Variants in WDR89 observed in about 807,000 individuals in gnomAD.
WDR89 encodes WD repeat-containing protein 89.
Under a neutral mutation model 29.1 loss-of-function variants are expected in WDR89, and 17 were observed. The observed-to-expected ratio is 0.58, with a 90% CI of 0.40 to 0.88. WDR89 has a LOEUF of 0.88. Among genes scored for constraint, WDR89 ranks in the 40% least tolerant of loss-of-function variants. The pLI is 0.00. For missense variants in WDR89, 396 were observed against 456.3 expected, an observed-to-expected ratio of 0.87 and a Z score of 1.20; for synonymous variants, 138 against 157.8, an observed-to-expected ratio of 0.87 and a Z score of 0.94.
chr14:63,617,239 T>G (rs1336845331), intron 2 of WDR89, among the ~76,000 whole-genome samples: 1 of 151,874 alleles, frequency 6.6e-6, no homozygotes, highest in Non-Finnish European at 1.5e-5. Flanking sequence ...CCACCATGTC[T>G]GGCTATATAT....
In WDR89 at chr14:63,608,666, G is replaced by GCACACACACA. The variant is rs57605983; in HGVS notation, c.-31-8703_-31-8694dup. On this transcript the variant is annotated intron_variant, in intron 2 of 2. Coordinates refer to ENST00000620954, the MANE Select transcript of WDR89 (RefSeq NM_080666.4). Reference sequence around the variant, plus strand: ...ACAAAAACCAGCCAGTGTGGTGCATGCACACACACACACACACACACACAC... The same window carrying GCACACACACA: ...ACAAAAACCAGCCAGTGTGGTGCATGCACACACACACACACACACACACACACACACACAC... Among the ~76,000 whole-genome samples the GCACACACACA allele has an allele frequency of 4.7e-3, 681 of 144,740 alleles. 2 individuals carry two copies. The highest frequency in any genetic ancestry group is 7.0e-3 in the African/African-American group (279 of 39,820). The allele number at this position is 144,740 out of a possible 152,430, so 95.0% of individuals were successfully genotyped here.
chr14:63,640,242 G>T (rs941236012), intron 1 of WDR89, among the ~76,000 whole-genome samples: 1 of 152,198 alleles, frequency 6.6e-6, no homozygotes, highest in Non-Finnish European at 1.5e-5. Context: ...CCACAAGAAA[G>T]AATTTGAAAA....
chr14:63,641,097 C>CAAAAA (rs57478091), intron 1 of WDR89, among the ~76,000 whole-genome samples: 16 of 64,138 alleles, frequency 2.5e-4, no homozygotes, highest in African/African-American at 6.3e-4. Flanking sequence ...GACTCCATCT[C>CAAAAA]AAAAAAAAAA....
intron 2 of WDR89, chr14:63,601,700 G>A: frequency 6.3e-7 from 1 of 1,596,518 alleles, no homozygotes; most frequent in Non-Finnish European, 8.6e-7. Context: ...CAGTTCGTGT[G>A]AAAGTTGGAG....
At chr14:63,631,941 G>A (rs113045019) in intron 1 of WDR89, among the ~76,000 whole-genome samples, 2,088 of 151,888 alleles carry the variant, frequency 0.014, 54 homozygotes, top group African/African-American at 0.047. Flanking sequence ...GCGAAAACCC[G>A]TCTCTACTAA....
chr14:63,627,086 A>G (rs1274737075), intron 1 of WDR89, among the ~76,000 whole-genome samples: 1 of 150,224 alleles, frequency 6.7e-6, no homozygotes, highest in Non-Finnish European at 1.5e-5. Context: ...GTGTCAACGC[A>G]CTCTAGCTTA....
chr14:63,609,210 A>G (rs1357487480), intron 2 of WDR89, among the ~76,000 whole-genome samples: 11 of 152,208 alleles, frequency 7.2e-5, no homozygotes, highest in Non-Finnish European at 7.3e-5. Flanking sequence ...TGCTTGGCAT[A>G]AAGAAAATAT....
chr14:63,605,459 C>A (rs1895278705), intron 2 of WDR89, among the ~76,000 whole-genome samples: 1 of 151,786 alleles, frequency 6.6e-6, no homozygotes, highest in Non-Finnish European at 1.5e-5. Context: ...AAGTCCAATA[C>A]TATACTTTTT....
At chr14:63,621,877 A>G (rs1040653982) in intron 2 of WDR89, 19 of 152,174 alleles carry the variant, frequency 1.2e-4, no homozygotes, top group African/African-American at 4.6e-4. Flanking sequence ...CTTCAAAAAG[A>G]CAAACAAGAA....
At chr14:63,635,590 C>T (rs1883682220) in intron 1 of WDR89, among the ~76,000 whole-genome samples, 1 of 152,138 alleles carries the variant, frequency 6.6e-6, no homozygotes, top group Admixed American at 6.5e-5. Flanking sequence ...CCCACTCTCA[C>T]CACTCCTCCT....
At chr14:63,610,894 G>T (rs1881940677) in intron 2 of WDR89, among the ~76,000 whole-genome samples, 1 of 151,694 alleles carries the variant, frequency 6.6e-6, no homozygotes, top group South Asian at 2.1e-4. Context: ...TACAGATGGG[G>T]TTTCACCATG....
intron 2 of WDR89, among the ~76,000 whole-genome samples, chr14:63,612,780 TAAG>T (rs1882072244): frequency 6.6e-6 from 1 of 152,114 alleles, no homozygotes; most frequent in African/African-American, 2.4e-5. Flanking sequence ...TCGAAAGTAG[TAAG>T]TACTCCTACT....
intron 2 of WDR89, among the ~76,000 whole-genome samples, chr14:63,623,159 T>C (rs1378485825): frequency 1.4e-5 from 2 of 146,774 alleles, no homozygotes; most frequent in East Asian, 4.0e-4. Context: ...GATCGCCCTA[T>C]TGCACTCCAG....
At chr14:63,610,391 A>C (rs1329764721) in intron 2 of WDR89, among the ~76,000 whole-genome samples, 5 of 152,088 alleles carry the variant, frequency 3.3e-5, no homozygotes, top group African/African-American at 1.2e-4. Flanking sequence ...CCCCTGTAGA[A>C]AGTAGAGCTG....
intron 1 of WDR89, among the ~76,000 whole-genome samples, chr14:63,625,829 C>T (rs1371644492): frequency 1.3e-5 from 2 of 149,758 alleles, no homozygotes; most frequent in African/African-American, 4.9e-5. Context: ...CACAAAGAAG[C>T]AAAACATACA....
intron 2 of WDR89, among the ~76,000 whole-genome samples, chr14:63,620,512 T>C (rs1398234519): frequency 1.3e-5 from 2 of 151,988 alleles, no homozygotes; most frequent in African/African-American, 2.4e-5. Flanking sequence ...AAATTTCACT[T>C]GGAAAGAGGA....
chr14:63,604,174 C>G (rs752001554), intron 2 of WDR89, among the ~76,000 whole-genome samples: 22 of 152,196 alleles, frequency 1.4e-4, no homozygotes, highest in Non-Finnish European at 2.6e-4. Context: ...CTTGTAATCC[C>G]AGCATGTTGA....
intron 1 of WDR89, among the ~76,000 whole-genome samples, chr14:63,640,285 A>AT (rs1207094605): frequency 6.6e-6 from 1 of 152,146 alleles, no homozygotes; most frequent in African/African-American, 2.4e-5. Context: ...CATCGGTAAC[A>AT]TATTTTGTAT....
chr14:63,602,259 G>A (rs1895100237), intron 2 of WDR89, among the ~76,000 whole-genome samples: 2 of 152,098 alleles, frequency 1.3e-5, no homozygotes, highest in Admixed American at 1.3e-4. Flanking sequence ...GATCACTGAG[G>A]TCAGGAGTTC....
Sources: allele counts gnomAD v4.1 joint callset (sites outside exome capture counted in the v4.1 genomes callset), GRCh38; gene constraint gnomAD v4.1.1; transcripts MANE v1.5; gene names NCBI Gene and HGNC (gene_info 2026-07-23, HGNC 2026-07-21).